The following MARCHF4 variants were observed in gnomAD, a reference collection of about 807,000 sequenced individuals.
MARCHF4 encodes the protein E3 ubiquitin-protein ligase MARCHF4.
In MARCHF4, 14 loss-of-function variants were observed where a neutral mutation model predicts 43.9. The ratio of observed to expected loss-of-function variants is 0.32; its 90% CI spans 0.21 to 0.50. The LOEUF is 0.50. Among genes scored for constraint, MARCHF4 ranks in the 20% least tolerant of loss-of-function variants. The probability of loss-of-function intolerance (pLI) is 0.98; values close to 1 mark genes in which losing one functional copy is unlikely to be tolerated. For missense variants in MARCHF4, 468 were observed against 536.7 expected (o/e 0.87, Z 1.27); for synonymous variants, 226 against 213.3 (o/e 1.06, Z -0.52).
chr2:216,326,512 G>T (rs1183578491), intron 1 of MARCHF4, among the ~76,000 whole-genome samples: 1 of 151,234 alleles, frequency 6.6e-6, no homozygotes, highest in African/African-American at 2.4e-5. Context: ...ACATGCACAC[G>T]TATGTTTATT....
chr2:216,267,869 G>A (rs1025147677), intron 3 of MARCHF4, among the ~76,000 whole-genome samples: 1 of 152,054 alleles, frequency 6.6e-6, no homozygotes, highest in Admixed American at 6.5e-5. Flanking sequence ...AATGCCTCTC[G>A]AGGGGTCTCT....
intron 1 of MARCHF4, among the ~76,000 whole-genome samples, chr2:216,311,124 C>A (rs1574472094): frequency 6.6e-6 from 1 of 152,230 alleles, no homozygotes; most frequent in East Asian, 1.9e-4. Flanking sequence ...TTCAAATAAA[C>A]TTTAGAATCA....
intron 1 of MARCHF4, among the ~76,000 whole-genome samples, chr2:216,307,272 T>C (rs1691603022): frequency 6.6e-6 from 1 of 152,020 alleles, no homozygotes; most frequent in Admixed American, 6.6e-5. Flanking sequence ...AGTCCATCAG[T>C]GTTGTTTTAT....
At chr2:216,362,665 A>G (rs191686863) in intron 1 of MARCHF4, among the ~76,000 whole-genome samples, 7 of 152,134 alleles carry the variant, frequency 4.6e-5, no homozygotes, top group Admixed American at 3.9e-4. Flanking sequence ...GATAGAACCT[A>G]TATTTGGAAA....
rs780064681 is a variant in MARCHF4, at chr2:216,259,457, T to TGGGCAGGGCCCTGCTCAG, written c.1070_1087dup (p.Pro357_Ala362dup). ...AGGGCCTGAGGGGTGGCCGGCAGCC[T>TGGGCAGGGCCCTGCTCAG]GGGCAGGGCCCTGCTCAGGGGCAGG... is the stretch of plus-strand genomic sequence containing the variant. On this transcript the variant is annotated inframe_insertion, in exon 4 of 4. Transcript: ENST00000273067. 3 of 1,614,102 alleles carry TGGGCAGGGCCCTGCTCAG rather than the reference T, an allele frequency of 1.9e-6. No individual in the cohort carries two copies. Among genetic ancestry groups the TGGGCAGGGCCCTGCTCAG allele is most frequent in the Non-Finnish European group, 8.5e-7 (1 of 1,179,978 alleles).
In MARCHF4 at chr2:216,258,397, G is replaced by A. The variant is rs1480835346; in HGVS notation, c.*915C>T. 6.5e-6 allele frequency: 1 copy of A among 152,750 alleles called. No homozygotes were observed. Among genetic ancestry groups the A allele is most frequent in the Non-Finnish European group, 1.5e-5 (1 of 68,240 alleles). 9.5% of individuals were successfully genotyped at this position (152,750 alleles called of 1,614,324 possible). A position where few individuals can be genotyped will look rare whatever the true frequency, so the allele number is the denominator to read the frequency against. The stretch of plus-strand genomic sequence containing the variant: ...CATTGCACATGTCCTGGCCATGGTG[G>A]GGTTGGGTAGTTGGGAAAGTTGCTC... On this transcript the variant is annotated 3_prime_UTR_variant, in exon 4 of 4. Coordinates refer to ENST00000273067, the MANE Select transcript of MARCHF4 (RefSeq NM_020814.3).
chr2:216,335,859 GGAGTTCAA>G (rs1159327971), intron 1 of MARCHF4, among the ~76,000 whole-genome samples: 1 of 152,056 alleles, frequency 6.6e-6, no homozygotes, highest in African/African-American at 2.4e-5. Context: ...CTTGAGGTCA[GGAGTTCAA>G]GACCAGCCTG....
At chr2:216,278,542 T>G (rs1691072105) in intron 2 of MARCHF4, among the ~76,000 whole-genome samples, 1 of 152,166 alleles carries the variant, frequency 6.6e-6, no homozygotes. Context: ...AGATCATTCT[T>G]TTCAGAGAAA....
intron 1 of MARCHF4, among the ~76,000 whole-genome samples, chr2:216,341,278 C>A (rs1326151530): frequency 6.6e-6 from 1 of 152,208 alleles, no homozygotes; most frequent in African/African-American, 2.4e-5. Flanking sequence ...CACCCACGGT[C>A]TCTCGTGAAT....
rs114228347 is a variant in MARCHF4, at chr2:216,269,917, C to T, written c.865+7755G>A. ...ATTCTCTATCTTCAACTGTCCCTTA[C>T]TTGGTTAGTGTCCCCTAGTCCTCTG... On this transcript the variant is annotated intron_variant, in intron 3 of 3. Transcript: ENST00000273067. 4.4e-3 allele frequency among the ~76,000 whole-genome samples: 670 copies of T among 152,296 alleles called. 7 individuals carry two copies. Among genetic ancestry groups the T allele is most frequent in the African/African-American group, 0.016 (651 of 41,556 alleles).
chr2:216,329,098 C>T lies in MARCHF4; in HGVS notation c.516+40647G>A, dbSNP rs1388367726. Among the ~76,000 whole-genome samples, 5 of 151,368 alleles carry T rather than the reference C, an allele frequency of 3.3e-5. No homozygotes were observed. The South Asian group carries it at 6.3e-4, about 19-fold the overall frequency. ...ATGCTATGATAAAAATAAAAACACC[C>T]GGCCGGGCGCGGTGGCTCACGCCTG... On this transcript the variant is annotated intron_variant, in intron 1 of 3. Transcript: ENST00000273067.
chr2:216,346,394 A>G (rs1692321072), intron 1 of MARCHF4, among the ~76,000 whole-genome samples: 1 of 152,102 alleles, frequency 6.6e-6, no homozygotes, highest in African/African-American at 2.4e-5. Context: ...ATGTTGGTTC[A>G]TTCATTCAAC....
intron 1 of MARCHF4, among the ~76,000 whole-genome samples, chr2:216,299,160 G>A (rs1280291391): frequency 6.6e-6 from 1 of 151,662 alleles, no homozygotes; most frequent in Non-Finnish European, 1.5e-5. Context: ...GGAGTGAGAT[G>A]TGGCTGCAGG....
chr2:216,263,060 C>T (rs980612381), intron 3 of MARCHF4, among the ~76,000 whole-genome samples: 1 of 152,032 alleles, frequency 6.6e-6, no homozygotes, highest in Non-Finnish European at 1.5e-5. Flanking sequence ...TGAGCAGGTG[C>T]GTGAGGGTAT....
At chr2:216,259,761 T>C (rs1690711616) in intron 3 of MARCHF4, 82 bp from the exon 4 acceptor site, 1 of 1,366,564 alleles carries the variant, frequency 7.3e-7, no homozygotes, top group African/African-American at 1.4e-5. Context: ...TCTCTGAATC[T>C]ATGCAAGGTA....
intron 1 of MARCHF4, chr2:216,318,150 T>A (rs1228220967): frequency 6.6e-6 from 1 of 152,214 alleles, no homozygotes; most frequent in Non-Finnish European, 1.5e-5. Context: ...GTTCTGCAGG[T>A]TAGTGCCTCG....
At chr2:216,280,688 C>T (rs893480457) in intron 2 of MARCHF4, among the ~76,000 whole-genome samples, 7 of 152,178 alleles carry the variant, frequency 4.6e-5, no homozygotes, top group Admixed American at 1.3e-4. Flanking sequence ...CCCACATCTA[C>T]GCCACCACTC....
rs116828430 is a variant in MARCHF4 at position 216,285,913 on chromosome 2, C to T, written c.517-2184G>A. The stretch of plus-strand genomic sequence containing the variant: ...AGACATTACTTCTGGTCCCTGGCAA[C>T]GGTGCTGAATGACAGTGAAGTCTCC... On this transcript the variant is annotated intron_variant, in intron 1 of 3. Coordinates refer to ENST00000273067, the MANE Select transcript of MARCHF4 (RefSeq NM_020814.3). 4.6e-3 allele frequency among the ~76,000 whole-genome samples: 705 copies of T among 152,310 alleles called. 4 individuals are homozygous for T. The highest frequency in any genetic ancestry group is 0.016 in the African/African-American group (670 of 41,556).
At chr2:216,293,510 G>A (rs1017158754) in intron 1 of MARCHF4, among the ~76,000 whole-genome samples, 6 of 149,742 alleles carry the variant, frequency 4.0e-5, no homozygotes, top group South Asian at 2.1e-4. Flanking sequence ...ACATACACAC[G>A]TTTAATCTGC....
Sources: allele counts gnomAD v4.1 joint callset (sites outside exome capture counted in the v4.1 genomes callset), GRCh38; gene constraint gnomAD v4.1.1; transcripts MANE v1.5; gene names NCBI Gene and HGNC (gene_info 2026-07-23, HGNC 2026-07-21).